The following NEU4 variants were observed in gnomAD, a reference collection of about 807,000 sequenced individuals.
NEU4 encodes the protein sialidase-4.
NEU4 carries 7 observed loss-of-function variants against 9.9 expected under a neutral mutation model. The observed-to-expected ratio is 0.71, with a 90% CI of 0.40 to 1.33. The LOEUF is 1.33. NEU4 is among the 40% of genes most tolerant of loss of function. NEU4 has a pLI of 0.01. For missense variants in NEU4, 717 were observed against 712.6 expected, an observed-to-expected ratio of 1.01 and a Z score of -0.07; for synonymous variants, 348 against 316.9, an observed-to-expected ratio of 1.10 and a Z score of -1.04.
intron 1 of NEU4, chr2:241,809,774 A>G (rs1000905827): frequency 3.1e-5 from 5 of 159,038 alleles, no homozygotes; most frequent in Admixed American, 3.0e-4. Flanking sequence ...TTTCTGTGAA[A>G]TCTCTAGATT....
Position 241,815,658 on chromosome 2 carries a change from A to G in NEU4, c.458-393A>G, listed in dbSNP as rs1186086376. 3 of 508,526 alleles carry G rather than the reference A, an allele frequency of 5.9e-6. No homozygotes were observed. The East Asian group carries it at 1.4e-4, about 24-fold the overall frequency. 31.5% of individuals were successfully genotyped at this position (508,526 alleles called of 1,614,324 possible). On this transcript the variant is annotated intron_variant, in intron 3 of 3. Transcript: ENST00000407683. ...CCTGCCCAGGGCCTGGCCAGGCCTC[A>G]CCCACAACTTTCCCTCCACCCCATC...
chr2:241,816,942 T>C lies in NEU4; in HGVS notation c.1349T>C (p.Ile450Thr). ...GGGGCCAGGACCTCCTATGATGAGA[T>C]TTCCTTTTGTACATTCTCCCTGCGT... is the stretch of plus-strand genomic sequence containing the variant. The part of the protein sequence containing the change: ...ESGARTSYDE[I>T]SFCTFSLREV... Residue 450 changes from isoleucine to threonine, a missense_variant, in exon 4 of 4, where the codon ATT becomes ACT. Coordinates refer to ENST00000407683, the MANE Select transcript of NEU4 (RefSeq NM_001167600.3). 6.2e-7 allele frequency: 1 copy of C among 1,612,782 alleles called. No individual in the cohort carries two copies. Among genetic ancestry groups the C allele is most frequent in the Non-Finnish European group, 8.5e-7 (1 of 1,179,938 alleles).
chr2:241,814,399 C>A, intron 1 of NEU4, 83 bp from the exon 2 acceptor site: 2 of 1,335,000 alleles, frequency 1.5e-6, no homozygotes, highest in Non-Finnish European at 1.1e-6. Flanking sequence ...ACCTCCTGAG[C>A]GCATTCCCCA....
At position 241,814,981 on chromosome 2, in the gene NEU4, C is replaced by T. The variant is rs767170480; in HGVS notation, c.291C>T (p.Thr97=). The change falls in exon 3 of 4, where the codon ACC becomes ACT. Residue 97 remains threonine (T), a synonymous_variant. Transcript: ENST00000407683. ...PCPVHDAGTG[T]VFLFFIAVLG... ...CTGTGCACGATGCTGGCACGGGCAC[C>T]GTCTTCCTCTTCTTCATCGCGGTGC... 18 of 1,610,062 alleles carry T rather than the reference C, an allele frequency of 1.1e-5. No individual in the cohort carries two copies. The East Asian group carries it at 1.3e-4, about 12-fold the overall frequency.
At chr2:241,811,659 C>T (rs1331972113) in intron 1 of NEU4, 2 of 420,114 alleles carry the variant, frequency 4.8e-6, no homozygotes, top group Admixed American at 4.4e-5. Flanking sequence ...TCCGAGGGCC[C>T]CTCCAGCAAG....
intron 1 of NEU4, chr2:241,811,073 C>T: frequency 8.7e-7 from 1 of 1,144,676 alleles, no homozygotes; most frequent in Non-Finnish European, 1.1e-6. Context: ...ACGGAGCCCT[C>T]CTGGCAGGGC....
Position 241,814,999 on chromosome 2 carries a change from C to T in NEU4, c.309C>T (p.Ile103=), listed in dbSNP as rs753257436. 6.2e-6 allele frequency: 10 copies of T among 1,607,390 alleles called. No homozygotes were observed. The African/African-American group carries it at 8.0e-5, about 13-fold the overall frequency. The change falls in exon 3 of 4, where the codon ATC becomes ATT. Residue 103 remains isoleucine, a synonymous_variant. Transcript: ENST00000407683. ...CGGGCACCGTCTTCCTCTTCTTCAT[C>T]GCGGTGCTGGGCCACACGCCTGAGG... ...AGTGTVFLFF[I]AVLGHTPEAV...
intron 1 of NEU4, chr2:241,811,655 G>A (rs767822678): frequency 2.4e-6 from 1 of 422,212 alleles, no homozygotes. Context: ...GGATTCCGAG[G>A]GCCCCTCCAG....
Position 241,816,354 on chromosome 2 carries a change from C to A in NEU4, c.761C>A (p.Thr254Asn), listed in dbSNP as rs201544595. Residue 254 changes from threonine (T) to asparagine (N), a missense_variant, in exon 4 of 4, where the codon ACT (threonine) becomes AAT (asparagine). Physicochemically the swap from Thr to Asn is moderately conservative, Grantham distance 65 (BLOSUM62 0). Transcript: ENST00000407683. ...GGCAGCCGTGTGCAGGCGCTCAGCA[C>A]TGACGAGGGCACCTCCTTCCTGCCC... ...PLGSRVQALSTDEGTSFLPAE... is the reference protein window; with the variant it reads ...PLGSRVQALSNDEGTSFLPAE... 1.9e-6 allele frequency: 3 copies of A among 1,586,072 alleles called. No homozygotes were observed. In the African/African-American group the frequency reaches 4.0e-5, roughly 21 times the overall value.
At position 241,817,094 on chromosome 2, in the gene NEU4, G is replaced by A; in HGVS notation, c.*46G>A. 6.7e-7 allele frequency: 1 copy of A among 1,493,822 alleles called. No individual in the cohort carries two copies. The allele number at this position is 1,493,822 out of a possible 1,614,324, so 92.5% of individuals were successfully genotyped here. ...ATGCCCCTTGGGTGCCTGGGGCAGA[G>A]GGGTGGAATACGTTGGGGTGCCCCA... On this transcript the variant is annotated 3_prime_UTR_variant, in exon 4 of 4. Transcript: ENST00000407683.
At chr2:241,812,680 G>A (rs1386546642) in intron 1 of NEU4, among the ~76,000 whole-genome samples, 1 of 147,516 alleles carries the variant, frequency 6.8e-6, no homozygotes. Context: ...GGAACCCAGG[G>A]CCTGGCCGTG....
In NEU4 at chr2:241,810,804, G is replaced by C. The variant is rs551099572; in HGVS notation, c.-4+1530G>C. On this transcript the variant is annotated intron_variant, in intron 1 of 3. Transcript: ENST00000407683. The stretch of plus-strand genomic sequence containing the variant: ...GGGGACAGGCTGGGGGCAGGCCAGC[G>C]TGAATGGGACTGGCAGGAGTCCTGC... 1.7e-5 allele frequency: 6 copies of C among 358,282 alleles called. No individual in the cohort carries two copies. The South Asian group carries it at 7.6e-4, about 45-fold the overall frequency. The allele number at this position is 358,282 out of a possible 1,614,324, so 22.2% of individuals were successfully genotyped here. A position where few individuals can be genotyped will look rare whatever the true frequency, so the allele number is the denominator to read the frequency against.
chr2:241,815,532 T>G, intron 3 of NEU4: 1 of 497,978 alleles, frequency 2.0e-6, no homozygotes, highest in Non-Finnish European at 4.1e-6. Flanking sequence ...CTAATCTCTT[T>G]ATCTGCAGAG....
rs1464528148 is a variant in NEU4 at position 241,817,247 on chromosome 2, G to A, written c.*199G>A. The A allele has an allele frequency of 5.4e-6, 3 of 559,402 alleles. No homozygotes were observed. In the South Asian group the frequency reaches 8.6e-5, roughly 16 times the overall value. The allele number at this position is 559,402 out of a possible 1,614,324, so 34.7% of individuals were successfully genotyped here. On this transcript the variant is annotated 3_prime_UTR_variant, in exon 4 of 4. Transcript: ENST00000407683. The stretch of plus-strand genomic sequence containing the variant: ...CGGCTGGGAGTGAGCAGGGCAGGGT[G>A]GGGGCAGGGTGGGGGCACGAAGTGG...
In NEU4 at chr2:241,814,999, C is replaced by A; in HGVS notation, c.309C>A (p.Ile103=). 6.2e-7 allele frequency: 1 copy of A among 1,607,508 alleles called. No homozygotes were observed. Among genetic ancestry groups the A allele is most frequent in the Non-Finnish European group, 8.5e-7 (1 of 1,179,320 alleles). The change falls in exon 3 of 4, where the codon ATC becomes ATA. Residue 103 remains isoleucine (I), a synonymous_variant. Coordinates refer to ENST00000407683, the MANE Select transcript of NEU4 (RefSeq NM_001167600.3). ...CGGGCACCGTCTTCCTCTTCTTCAT[C>A]GCGGTGCTGGGCCACACGCCTGAGG... ...AGTGTVFLFF[I]AVLGHTPEAV...
At chr2:241,812,566 C>T (rs144653031) in intron 1 of NEU4, among the ~76,000 whole-genome samples, 930 of 31,406 alleles carry the variant, frequency 0.03, 11 homozygotes, top group East Asian at 0.095. Flanking sequence ...CAGGGCCTGG[C>T]CACACTGAGC....
intron 1 of NEU4, chr2:241,811,486 C>G: frequency 6.5e-7 from 1 of 1,528,766 alleles, no homozygotes; most frequent in Non-Finnish European, 8.9e-7. Flanking sequence ...TTTGCACCCC[C>G]AGCACCCTCA....
chr2:241,812,830 G>A (rs1234232634), intron 1 of NEU4, among the ~76,000 whole-genome samples: 1 of 152,206 alleles, frequency 6.6e-6, no homozygotes, highest in Non-Finnish European at 1.5e-5. Context: ...GTGGGCCTGG[G>A]CCTCATGTCT....
Position 241,817,074 on chromosome 2 carries a change from C to T in NEU4, c.*26C>T, listed in dbSNP as rs201840418. The T allele has an allele frequency of 2.2e-4, 330 of 1,533,894 alleles. 1 individual carries two copies. In the African/African-American group the frequency reaches 3.8e-3, roughly 18 times the overall value. On this transcript the variant is annotated 3_prime_UTR_variant, in exon 4 of 4. Transcript: ENST00000407683. ...CAGGCCTTCTGGCCGTGCCCATGCC[C>T]CTTGGGTGCCTGGGGCAGAGGGGTG...
Sources: allele counts gnomAD v4.1 joint callset (sites outside exome capture counted in the v4.1 genomes callset), GRCh38; gene constraint gnomAD v4.1.1; transcripts MANE v1.5; gene names NCBI Gene and HGNC (gene_info 2026-07-23, HGNC 2026-07-21).